Variants in DENND4A observed in about 807,000 individuals in gnomAD.
DENND4A encodes C-myc promoter-binding protein.
DENND4A carries 70 observed loss-of-function variants against 199.3 expected under a neutral mutation model. The observed-to-expected ratio is 0.35, with a 90% confidence interval of 0.29 to 0.43. DENND4A has a LOEUF of 0.43. Ranked by LOEUF, DENND4A falls within the 20% of genes least tolerant of loss-of-function variation. The probability of loss-of-function intolerance (pLI) is 1.00; values close to 1 mark genes in which losing one functional copy is unlikely to be tolerated. For synonymous variants in DENND4A, 686 were observed against 766.9 expected, an observed-to-expected ratio of 0.89 and a Z score of 1.74; for missense variants, 1,723 against 2,255.8, an observed-to-expected ratio of 0.76 and a Z score of 4.78.
chr15:65,696,318 C>A, intron 22 of DENND4A, 48 bp downstream of exon 22: 6 of 1,576,036 alleles, frequency 3.8e-6, no homozygotes, highest in Non-Finnish European at 5.2e-6. Flanking sequence ...ACTAGTCATA[C>A]AGATACAATT....
intron 7 of DENND4A, 59 bp from the exon 8 acceptor site, chr15:65,732,877 C>A: frequency 2.0e-6 from 2 of 1,024,952 alleles, no homozygotes; most frequent in South Asian, 2.8e-5. Context: ...CTATAAAGCT[C>A]AACATGTCAT....
chr15:65,696,704 T>A, intron 21 of DENND4A: 1 of 348,754 alleles, frequency 2.9e-6, no homozygotes. Context: ...TGAATACTGA[T>A]CATGCATGAG....
chr15:65,720,982 T>TATATATATATATATATATATATA (rs71447856), intron 12 of DENND4A, among the ~76,000 whole-genome samples: 288 of 123,570 alleles, frequency 2.3e-3, no homozygotes, highest in Middle Eastern at 4.2e-3. Flanking sequence ...TATATATATA[T>TATATATATATATATATATATATA]TTGTACTTTT....
intron 30 of DENND4A, 114 bp from the exon 31 acceptor site, chr15:65,664,836 C>A: frequency 1.4e-5 from 12 of 869,996 alleles, no homozygotes; most frequent in South Asian, 6.8e-5. Context: ...AAATTAAGGG[C>A]AATAGATAAA....
intron 22 of DENND4A, among the ~76,000 whole-genome samples, chr15:65,694,589 T>C (rs2077082355): frequency 6.6e-6 from 1 of 152,154 alleles, no homozygotes. Flanking sequence ...GGGTGTTCAA[T>C]GATATAAATA....
chr15:65,708,553 A>G (rs948806952), intron 14 of DENND4A, among the ~76,000 whole-genome samples: 5 of 152,244 alleles, frequency 3.3e-5, no homozygotes, highest in African/African-American at 1.2e-4. Context: ...ACATTATAAA[A>G]ATAGCCGTGC....
Position 65,776,902 on chromosome 15 carries a change from G to A in DENND4A, c.-102+15108C>T, listed in dbSNP as rs113648514. On this transcript the variant is annotated intron_variant, in intron 1 of 32. Transcript: ENST00000443035. ...AAAATAGCTGCATGGGGCTGGGCAC[G>A]GTGGCCTGTAATCCCAGCAAGTTGG... Among the ~76,000 whole-genome samples the A allele has an allele frequency of 4.8e-3, 728 of 152,204 alleles. 9 individuals are homozygous for A. The highest frequency in any genetic ancestry group is 0.016 in the African/African-American group (685 of 41,540).
intron 1 of DENND4A, among the ~76,000 whole-genome samples, chr15:65,778,462 A>AAG (rs1225323219): frequency 6.6e-6 from 1 of 151,948 alleles, no homozygotes; most frequent in African/African-American, 2.4e-5. Context: ...TAAAAAAAAA[A>AAG]AAAAAAAAGC....
chr15:65,772,740 C>T (rs894849918), intron 1 of DENND4A, among the ~76,000 whole-genome samples: 2 of 136,504 alleles, frequency 1.5e-5, no homozygotes, highest in Non-Finnish European at 3.1e-5. Flanking sequence ...AAAAAAAGAC[C>T]TGATATTTGC....
At chr15:65,672,999 T>C (rs553630240) in intron 24 of DENND4A, among the ~76,000 whole-genome samples, 50 of 152,070 alleles carry the variant, frequency 3.3e-4, no homozygotes, top group African/African-American at 1.2e-3. Flanking sequence ...TAGCTGGGAC[T>C]ACATGCGCAT....
intron 1 of DENND4A, among the ~76,000 whole-genome samples, chr15:65,774,379 A>G (rs1386613674): frequency 1.3e-5 from 2 of 152,212 alleles, no homozygotes; most frequent in Non-Finnish European, 2.9e-5. Flanking sequence ...AATCTCAGCT[A>G]CTCAGAAGGC....
At chr15:65,738,147 G>C (rs2076163740) in intron 6 of DENND4A, among the ~76,000 whole-genome samples, 1 of 152,110 alleles carries the variant, frequency 6.6e-6, no homozygotes, top group Non-Finnish European at 1.5e-5. Flanking sequence ...CCTTACTACT[G>C]AAAGAAAAGG....
intron 5 of DENND4A, among the ~76,000 whole-genome samples, chr15:65,739,759 G>C (rs1207704481): frequency 6.6e-6 from 1 of 152,202 alleles, no homozygotes. Flanking sequence ...TAAGGTCCAA[G>C]GCAGTTCTAA....
Position 65,660,090 on chromosome 15 carries a change from A to G in DENND4A, c.*1761T>C. ...GTTTCTCTCAGTTGACAACTTTCAA[A>G]TGATTTAAAGAACATGAAGAACAAG... is the stretch of plus-strand genomic sequence containing the variant. On this transcript the variant is annotated 3_prime_UTR_variant, in exon 33 of 33. Coordinates refer to ENST00000443035, the MANE Select transcript of DENND4A (RefSeq NM_001320835.1). 2.0e-6 allele frequency: 1 copy of G among 497,924 alleles called. No homozygotes were observed. The highest frequency in any genetic ancestry group is 3.5e-6 in the Non-Finnish European group (1 of 282,012). The allele number at this position is 497,924 out of a possible 1,614,324, so 30.8% of individuals were successfully genotyped here. A position where few individuals can be genotyped will look rare whatever the true frequency, so the allele number is the denominator to read the frequency against.
At chr15:65,735,639 T>C (rs1202790167) in intron 7 of DENND4A, among the ~76,000 whole-genome samples, 2 of 152,174 alleles carry the variant, frequency 1.3e-5, no homozygotes, top group Non-Finnish European at 2.9e-5. Flanking sequence ...GTAGTGTACA[T>C]TTTTAAAATT....
At position 65,718,007 on chromosome 15, in the gene DENND4A, A is replaced by G; in HGVS notation, c.1589-11T>C. 4 of 1,559,954 alleles carry G rather than the reference A, an allele frequency of 2.6e-6. No homozygotes were observed. The highest frequency in any genetic ancestry group is 2.6e-6 in the Non-Finnish European group (3 of 1,145,090). On this transcript the variant is annotated splice_polypyrimidine_tract_variant and intron_variant, in intron 12 of 32. Coordinates refer to ENST00000443035, the MANE Select transcript of DENND4A (RefSeq NM_001320835.1). ...TCGGTCTCTGCTGCACTGTGAAGAC[A>G]TACAGTGTTAGTGTTTTCTCCAAAC...
chr15:65,770,584 G>A (rs971432286), intron 1 of DENND4A, among the ~76,000 whole-genome samples: 10 of 151,760 alleles, frequency 6.6e-5, no homozygotes, highest in African/African-American at 2.2e-4. Context: ...GGAATATAAC[G>A]GCAATATTAA....
rs1240641869 is a variant in DENND4A, at chr15:65,691,241, C to G, written c.3353G>C (p.Ser1118Thr). Residue 1118 changes from serine (S) to threonine (T), a missense_variant, in exon 23 of 33, where the codon AGC (serine) becomes ACC (threonine). Around this residue, in one of 6 missense-constraint regions of DENND4A, gnomAD observed 650 missense variants for 738.1 expected, o/e 0.88. Coordinates refer to ENST00000443035, the MANE Select transcript of DENND4A (RefSeq NM_001320835.1). ...AATATCAAGAGTATTTGGTCTCGTG[C>G]TTTTTGAGATAACATTTGAAAGAAT... ...AKILSNVISKSTRPNTLDIGK... is the reference protein window; with the variant it reads ...AKILSNVISKTTRPNTLDIGK... The G allele has an allele frequency of 6.2e-7, 1 of 1,613,248 alleles. No individual in the cohort carries two copies. The highest frequency in any genetic ancestry group is 8.5e-7 in the Non-Finnish European group (1 of 1,179,598).
intron 1 of DENND4A, chr15:65,766,887 T>C (rs1038979177): frequency 6.6e-6 from 1 of 152,186 alleles, no homozygotes; most frequent in African/African-American, 2.4e-5. Flanking sequence ...TATTATACTG[T>C]GTTCAGGGGC....
Sources: gnomAD v4.1 joint callset for allele counts (sites outside exome capture counted in the v4.1 genomes callset) on GRCh38, gnomAD v4.1.1 for gene constraint, gnomAD v4.1.1 regional missense constraint, MANE v1.5 for transcripts, NCBI Gene and HGNC (gene_info 2026-07-23, HGNC 2026-07-21) for gene names.